The following SBK1 variants were observed in gnomAD, a reference collection of about 807,000 sequenced individuals.
The protein encoded by SBK1 is serine/threonine-protein kinase SBK1.
SBK1 carries 11 observed loss-of-function variants against 24.4 expected under a neutral mutation model. The observed-to-expected ratio is 0.45, with a 90% CI of 0.28 to 0.75. The LOEUF is 0.75. Ranked by LOEUF, SBK1 falls within the 30% of genes least tolerant of loss-of-function variation. The pLI, the probability that SBK1 is intolerant of heterozygous loss-of-function variation, is 0.12. For synonymous variants in SBK1, 308 were observed against 284.4 expected (o/e 1.08, Z -0.83); for missense variants, 467 against 620.5 (o/e 0.75, Z 2.63).
Position 28,321,078 on chromosome 16 carries a change from G to T in SBK1, c.*157G>T. ...CCGGCACCTGGTCCGTCCCCGGCGGGCTGGTGAGGGGGCCACCAAAGACCC... is the reference window on the plus strand; with the variant it reads ...CCGGCACCTGGTCCGTCCCCGGCGGTCTGGTGAGGGGGCCACCAAAGACCC... On this transcript the variant is annotated 3_prime_UTR_variant, in exon 4 of 4. Transcript: ENST00000341901. The T allele has an allele frequency of 1.5e-6, 1 of 681,538 alleles. No individual in the cohort carries two copies. Among genetic ancestry groups the T allele is most frequent in the Non-Finnish European group, 2.1e-6 (1 of 475,682 alleles). 42.2% of individuals were successfully genotyped at this position (681,538 alleles called of 1,614,324 possible). A position where few individuals can be genotyped will look rare whatever the true frequency, so the allele number is the denominator to read the frequency against.
chr16:28,298,433 T>C (rs144907273), intron 1 of SBK1, among the ~76,000 whole-genome samples: 1,812 of 152,344 alleles, frequency 0.012, 38 homozygotes, highest in African/African-American at 0.041. Context: ...CAAAGGTTTG[T>C]GTGAAGCCAG....
intron 1 of SBK1, among the ~76,000 whole-genome samples, chr16:28,283,216 C>A (rs2044544639): frequency 6.6e-6 from 1 of 152,104 alleles, no homozygotes; most frequent in Non-Finnish European, 1.5e-5. Context: ...CAAGTATGAG[C>A]CACCGCGCCC....
At chr16:28,297,650 G>T (rs2044650020) in intron 1 of SBK1, among the ~76,000 whole-genome samples, 2 of 152,186 alleles carry the variant, frequency 1.3e-5, no homozygotes. Flanking sequence ...TATCTTGTAG[G>T]ATCATCAGGG....
intron 1 of SBK1, among the ~76,000 whole-genome samples, chr16:28,295,099 C>G (rs1257062379): frequency 6.6e-6 from 1 of 152,212 alleles, no homozygotes; most frequent in Non-Finnish European, 1.5e-5. Context: ...GTCACACACC[C>G]CACAGGCAAG....
At chr16:28,311,591 C>T (rs2044755291) in intron 1 of SBK1, among the ~76,000 whole-genome samples, 1 of 151,756 alleles carries the variant, frequency 6.6e-6, no homozygotes. Context: ...GTCCTAGCTA[C>T]TCACAAGAAG....
chr16:28,292,387 G>C (rs1463294439), upstream of SBK1: 1 of 266,714 alleles, frequency 3.7e-6, no homozygotes, highest in Non-Finnish European at 5.7e-6. Context: ...GGGAGGGCGG[G>C]CGCGCGGCGG....
intron 1 of SBK1, among the ~76,000 whole-genome samples, chr16:28,304,222 G>A (rs370045547): frequency 2.6e-5 from 4 of 152,120 alleles, no homozygotes; most frequent in African/African-American, 4.8e-5. Context: ...CCTTTCCAGC[G>A]CTGGGGGCCT....
At chr16:28,282,251 A>G (rs554851269) in intron 1 of SBK1, among the ~76,000 whole-genome samples, 8 of 152,258 alleles carry the variant, frequency 5.3e-5, no homozygotes, top group African/African-American at 1.7e-4. Flanking sequence ...GGTGGGACTT[A>G]CCGGAGTTGA....
chr16:28,277,715 A>G (rs2044502733), intron 1 of SBK1, among the ~76,000 whole-genome samples: 2 of 152,076 alleles, frequency 1.3e-5, no homozygotes, highest in Non-Finnish European at 2.9e-5. Context: ...CCTCGAGTGG[A>G]CCAGCTGGGG....
At position 28,292,565 on chromosome 16, in the gene SBK1, G is replaced by C. The variant is rs990367753; in HGVS notation, c.-743G>C. 7.1e-6 allele frequency: 7 copies of C among 979,106 alleles called. No homozygotes were observed. The highest frequency in any genetic ancestry group is 8.5e-6 in the Non-Finnish European group (7 of 827,066). The allele number at this position is 979,106 out of a possible 1,614,324, so 60.7% of individuals were successfully genotyped here. A position where few individuals can be genotyped will look rare whatever the true frequency, so the allele number is the denominator to read the frequency against. On this transcript the variant is annotated 5_prime_UTR_variant, in exon 1 of 4. Transcript: ENST00000341901. ...CGCAGCCCGGGCGGGCGCCGGGGCC[G>C]GGGCCCGAGCGCCAGGCGGAGCGCG... is the stretch of plus-strand genomic sequence containing the variant.
rs886686090 is a variant in SBK1, at chr16:28,292,876, C to T, written c.-432C>T. The T allele has an allele frequency of 2.7e-5, 27 of 982,314 alleles. No homozygotes were observed. The highest frequency in any genetic ancestry group is 3.5e-5 in the African/African-American group (2 of 57,140). The allele number at this position is 982,314 out of a possible 1,614,324, so 60.8% of individuals were successfully genotyped here. A position where few individuals can be genotyped will look rare whatever the true frequency, so the allele number is the denominator to read the frequency against. ...CCTCGGTATTTAGAAGACAGCAAGC[C>T]CCCTACGGCACCGCAAGGACTCCCC... On this transcript the variant is annotated 5_prime_UTR_variant, in exon 1 of 4. Transcript: ENST00000341901.
At chr16:28,308,450 CTTTTTTTTTTTTTTTTTT>C (rs59880320) in intron 1 of SBK1, among the ~76,000 whole-genome samples, 9 of 39,978 alleles carry the variant, frequency 2.3e-4, no homozygotes, top group East Asian at 1.7e-3. Flanking sequence ...CATGCTTGGG[CTTTTTTTTTTTTTTTTTT>C]TTTTTTTTTT....
In SBK1 at chr16:28,313,652, G is replaced by C. The variant is rs544165763; in HGVS notation, c.-7-3733G>C. On this transcript the variant is annotated intron_variant, in intron 1 of 3. Transcript: ENST00000341901. ...GAGATGAGCTGGTTCATGAATGGAG[G>C]GAGGCAGGAGGCTGGGAAGACAGGG... Among the ~76,000 whole-genome samples, 8 of 151,904 alleles carry C rather than the reference G, an allele frequency of 5.3e-5. No homozygotes were observed. In the East Asian group the frequency reaches 1.6e-3, roughly 29 times the overall value.
chr16:28,293,574 G>A lies in SBK1; in HGVS notation c.-8+274G>A, dbSNP rs575978430. On this transcript the variant is annotated intron_variant, in intron 1 of 3. Transcript: ENST00000341901. ...GAGCCCGTTGTGCCATGGAGAGGGG[G>A]GAAGAGGGCGGAGAGTCCCCCCCCA... is the stretch of plus-strand genomic sequence containing the variant. Among the ~76,000 whole-genome samples, 9 of 150,160 alleles carry A rather than the reference G, an allele frequency of 6.0e-5. No homozygotes were observed. In the East Asian group the frequency reaches 7.9e-4, roughly 13 times the overall value.
Position 28,319,314 on chromosome 16 carries a change from C to A in SBK1, c.429+117C>A. On this transcript the variant is annotated intron_variant, in intron 3 of 3. Transcript: ENST00000341901. The surrounding 1 kb of genome is among the most constrained non-coding windows in gnomAD (Gnocchi z 4.0). ...TATTTACTGGGTGCCTGCTGTATGT[C>A]AGTTACCATTTGGGGAGGTGGGGAT... is the stretch of plus-strand genomic sequence containing the variant. The A allele has an allele frequency of 1.3e-6, 1 of 778,864 alleles. No homozygotes were observed. The highest frequency in any genetic ancestry group is 2.1e-6 in the Non-Finnish European group (1 of 465,330). The allele number at this position is 778,864 out of a possible 1,614,324, so 48.2% of individuals were successfully genotyped here.
Position 28,322,922 on chromosome 16 carries a change from CTCTCTCTCCCTCTCT to C in SBK1, c.*2002_*2016del, listed in dbSNP as rs1567682943. The C allele has an allele frequency of 1.3e-4, 2 of 15,014 alleles. No individual in the cohort carries two copies. Among genetic ancestry groups the C allele is most frequent in the Non-Finnish European group, 3.3e-4 (2 of 6,094 alleles). The allele number at this position is 15,014 out of a possible 1,614,324, so 0.9% of individuals were successfully genotyped here. A position where few individuals can be genotyped will look rare whatever the true frequency, so the allele number is the denominator to read the frequency against. ...GCTCGCTCTCTCTCTCGCGCGCGCT[CTCTCTCTCCCTCTCT>C]CTCTCTCTCTCTCTCTCTCTCTCTC... On this transcript the variant is annotated 3_prime_UTR_variant, in exon 4 of 4. Coordinates refer to ENST00000341901, the MANE Select transcript of SBK1 (RefSeq NM_001024401.3).
chr16:28,296,750 G>C (rs1448824986), intron 1 of SBK1, among the ~76,000 whole-genome samples: 1 of 152,112 alleles, frequency 6.6e-6, no homozygotes. Flanking sequence ...GTGACATCCA[G>C]CAACCAAAAA....
chr16:28,292,662 G>A lies in SBK1; in HGVS notation c.-646G>A. On this transcript the variant is annotated 5_prime_UTR_variant, in exon 1 of 4. Coordinates refer to ENST00000341901, the MANE Select transcript of SBK1 (RefSeq NM_001024401.3). ...GCAGGGCCGGGCTGCTCGTAGCGGC[G>A]GCGACCGAGCCCCCCAGCGGCTGAG... is the stretch of plus-strand genomic sequence containing the variant. 1.0e-6 allele frequency: 1 copy of A among 984,060 alleles called. No homozygotes were observed. The highest frequency in any genetic ancestry group is 1.2e-6 in the Non-Finnish European group (1 of 829,330). The allele number at this position is 984,060 out of a possible 1,614,324, so 61.0% of individuals were successfully genotyped here. A position where few individuals can be genotyped will look rare whatever the true frequency, so the allele number is the denominator to read the frequency against.
At chr16:28,301,075 CT>C (rs1373982249) in intron 1 of SBK1, among the ~76,000 whole-genome samples, 1 of 150,748 alleles carries the variant, frequency 6.6e-6, no homozygotes, top group Non-Finnish European at 1.5e-5. Flanking sequence ...GCCCAGTCCC[CT>C]TGCCTGTCAG....
Sources: allele counts gnomAD v4.1 joint callset (sites outside exome capture counted in the v4.1 genomes callset), GRCh38; gene constraint gnomAD v4.1.1; non-coding constraint Gnocchi (gnomAD v3.1); transcripts MANE v1.5; gene names NCBI Gene and HGNC (gene_info 2026-07-23, HGNC 2026-07-21).